Variants in CEP192 observed in about 807,000 individuals in gnomAD.
CEP192 encodes the protein centrosomal protein 192.
Under a neutral mutation model 271.8 loss-of-function variants are expected in CEP192, and 151 were observed. The ratio of observed to expected loss-of-function variants is 0.56; its 90% CI spans 0.49 to 0.64. The LOEUF (loss-of-function observed/expected upper bound fraction) is 0.64. Among genes scored for constraint, CEP192 ranks in the 30% least tolerant of loss-of-function variants. The pLI is 0.00. For synonymous variants in CEP192, 995 were observed against 1,076.5 expected, an observed-to-expected ratio of 0.92 and a Z score of 1.48; for missense variants, 2,910 against 3,020.5, an observed-to-expected ratio of 0.96 and a Z score of 0.86.
intron 21 of CEP192, among the ~76,000 whole-genome samples, chr18:13,066,363 C>T (rs954006856): frequency 3.9e-5 from 6 of 152,056 alleles, no homozygotes; most frequent in Non-Finnish European, 5.9e-5. Flanking sequence ...GTTTCTAGTT[C>T]TTGGGTTACT....
intron 20 of CEP192, chr18:13,058,773 TA>T: frequency 5.6e-6 from 2 of 357,002 alleles, no homozygotes; most frequent in Non-Finnish European, 1.1e-5. Flanking sequence ...TAGAGAGACT[TA>T]CAGGGCTGTG....
At chr18:13,041,158 A>G (rs953177318) in intron 14 of CEP192, among the ~76,000 whole-genome samples, 3 of 152,312 alleles carry the variant, frequency 2.0e-5, no homozygotes, top group Non-Finnish European at 2.9e-5. Context: ...GCCAAAATCT[A>G]CCTAAATTTG....
chr18:13,030,476 C>T lies in CEP192; in HGVS notation c.1402C>T (p.Pro468Ser), dbSNP rs2035555614. 6.2e-7 allele frequency: 1 copy of T among 1,602,464 alleles called. No individual in the cohort carries two copies. Among genetic ancestry groups the T allele is most frequent in the South Asian group, 1.1e-5 (1 of 90,020 alleles). Residue 468 changes from proline to serine, a missense_variant, in exon 11 of 45, where the codon CCA becomes TCA. By Grantham distance (74) the Pro-to-Ser change is moderately conservative. Coordinates refer to ENST00000506447, the MANE Select transcript of CEP192 (RefSeq NM_032142.4). Reference sequence around the variant, plus strand: ...ATTTTATTTTTTAGAAACAGATCTCCCACAGAGTGTGGTCTATCAAAATGA... The same window carrying T: ...ATTTTATTTTTTAGAAACAGATCTCTCACAGAGTGTGGTCTATCAAAATGA... ...IEKNKDKTDL[P>S]QSVVYQNEEG...
At position 13,042,257 on chromosome 18, in the gene CEP192, C is replaced by T; in HGVS notation, c.1990C>T (p.Gln664Ter). The T allele has an allele frequency of 1.2e-6, 2 of 1,613,142 alleles. No homozygotes were observed. Among genetic ancestry groups the T allele is most frequent in the Non-Finnish European group, 1.7e-6 (2 of 1,179,120 alleles). ...AQLSEGSITLQVEAVESTSQV... is the reference protein window; with the variant it reads ...AQLSEGSITL ...GCTAAGTGAAGGATCAATTACACTTCAGGTTGAAGCAGTAGAGAGTACTTC... is the reference window on the plus strand; with the variant it reads ...GCTAAGTGAAGGATCAATTACACTTTAGGTTGAAGCAGTAGAGAGTACTTC... Residue 664 changes from glutamine to a stop codon, truncating the protein, a stop_gained, in exon 15 of 45, where the codon CAG (glutamine) becomes TAG (stop). Transcript: ENST00000506447. LOFTEE classifies it high-confidence loss of function.
chr18:13,074,339 CTG>C (rs1174704340), intron 30 of CEP192, among the ~76,000 whole-genome samples: 2 of 152,152 alleles, frequency 1.3e-5, no homozygotes, highest in Non-Finnish European at 2.9e-5. Context: ...ATTTTAAAAA[CTG>C]GCGTCCTTCC....
At chr18:13,071,977 G>A (rs1409348162) in intron 28 of CEP192, among the ~76,000 whole-genome samples, 1 of 152,112 alleles carries the variant, frequency 6.6e-6, no homozygotes, top group African/African-American at 2.4e-5. Flanking sequence ...ATAAATACAT[G>A]AGAATGAAAA....
chr18:13,103,567 T>C lies in CEP192; in HGVS notation c.6930T>C (p.Ser2310=), dbSNP rs1381000249. 6.2e-7 allele frequency: 1 copy of C among 1,613,842 alleles called. No homozygotes were observed. The highest frequency in any genetic ancestry group is 1.7e-5 in the Admixed American group (1 of 60,030). Residue 2310 remains serine, a synonymous_variant, in exon 39 of 45, where the codon TCT becomes TCC. Coordinates refer to ENST00000506447, the MANE Select transcript of CEP192 (RefSeq NM_032142.4). ...GTTDVKWHLS[S]LAPPYVKGVD... ...CAGACGTGAAATGGCATCTGTCATC[T>C]TTAGCGCCACCTTATGTCAAGGTCA...
At chr18:13,093,034 C>T (rs1031111011) in intron 34 of CEP192, among the ~76,000 whole-genome samples, 2 of 152,120 alleles carry the variant, frequency 1.3e-5, no homozygotes, top group Non-Finnish European at 2.9e-5. Flanking sequence ...TGGTGGGCAC[C>T]TGTAGTCCCA....
chr18:13,076,893 C>T (rs1471377879), intron 30 of CEP192, among the ~76,000 whole-genome samples: 4 of 152,140 alleles, frequency 2.6e-5, no homozygotes, highest in African/African-American at 9.7e-5. Flanking sequence ...AAGCGATTCT[C>T]CTGCCTCAGC....
At position 13,124,659 on chromosome 18, in the gene CEP192, G is replaced by A; in HGVS notation, c.7503G>A (p.Val2501=). Residue 2501 remains valine, a synonymous_variant, in exon 45 of 45, where the codon GTG becomes GTA. Coordinates refer to ENST00000506447, the MANE Select transcript of CEP192 (RefSeq NM_032142.4). ...CCCAGCATTACATCAACATGCCCGT[G>A]CAGTTCAAACCGAAGTCCGCAGGCA... The part of the protein sequence containing the change: ...LRAQHYINMP[V]QFKPKSAGKF... 6.2e-7 allele frequency: 1 copy of A among 1,613,982 alleles called. No homozygotes were observed.
At chr18:13,038,121 G>A (rs550564712) in intron 12 of CEP192, among the ~76,000 whole-genome samples, 107 of 152,284 alleles carry the variant, frequency 7.0e-4, no homozygotes, top group Middle Eastern at 3.4e-3. Context: ...TTACAGGAAA[G>A]CGCTGTCATG....
chr18:13,089,326 T>A lies in CEP192; in HGVS notation c.5994-130T>A, dbSNP rs1598569254. 3 of 450,504 alleles carry A rather than the reference T, an allele frequency of 6.7e-6. No homozygotes were observed. The East Asian group carries it at 1.0e-4, about 15-fold the overall frequency. 27.9% of individuals were successfully genotyped at this position (450,504 alleles called of 1,614,324 possible). On this transcript the variant is annotated intron_variant, in intron 32 of 44. Coordinates refer to ENST00000506447, the MANE Select transcript of CEP192 (RefSeq NM_032142.4). ...GAACTTCCAAAACAGGTTTTTCTTT[T>A]AGGTGTAAGGTCTGTGTACTAATAT...
At chr18:13,122,809 A>G (rs1053443382) in intron 44 of CEP192, among the ~76,000 whole-genome samples, 2 of 146,914 alleles carry the variant, frequency 1.4e-5, no homozygotes, top group African/African-American at 5.1e-5. Context: ...CTGGGTTCAG[A>G]GGACTTTCCT....
chr18:12,991,670 C>G (rs112425525), intron 1 of CEP192, among the ~76,000 whole-genome samples: 1 of 152,282 alleles, frequency 6.6e-6, no homozygotes, highest in Non-Finnish European at 1.5e-5. Context: ...AATTGCACGC[C>G]TCTGTGTCAT....
intron 9 of CEP192, among the ~76,000 whole-genome samples, chr18:13,028,542 G>T (rs1438369389): frequency 6.6e-6 from 1 of 151,908 alleles, no homozygotes; most frequent in Non-Finnish European, 1.5e-5. Context: ...TTTTTGAGAC[G>T]AAGTCTCACT....
chr18:13,009,409 C>T (rs8098299), intron 4 of CEP192, among the ~76,000 whole-genome samples: 19,428 of 152,104 alleles, frequency 0.13, 1,835 homozygotes, highest in African/African-American at 0.26. Context: ...ATATTCTTAT[C>T]GAGAGTCAAT....
rs57663388 is a variant in CEP192 at position 13,082,432 on chromosome 18, C to CTT, written c.5617-4561_5617-4560dup. Reference sequence around the variant, plus strand: ...TCAGAGACTAGGATTGCAACCCCTGCTTTTTTTTTTTTTTTTTTTTTTTTT... The same window carrying CTT: ...TCAGAGACTAGGATTGCAACCCCTGCTTTTTTTTTTTTTTTTTTTTTTTTTTT... On this transcript the variant is annotated intron_variant, in intron 30 of 44. Transcript: ENST00000506447. 4.6e-3 allele frequency among the ~76,000 whole-genome samples: 229 copies of CTT among 49,928 alleles called. 13 individuals are homozygous for CTT. Among genetic ancestry groups the CTT allele is most frequent in the African/African-American group, 0.018 (190 of 10,304 alleles). 32.8% of individuals were successfully genotyped at this position (49,928 alleles called of 152,430 possible). A position where few individuals can be genotyped will look rare whatever the true frequency, so the allele number is the denominator to read the frequency against.
chr18:12,997,096 A>G (rs557892684), intron 1 of CEP192, among the ~76,000 whole-genome samples: 2 of 152,238 alleles, frequency 1.3e-5, no homozygotes, highest in South Asian at 4.2e-4. Context: ...AGACTCGATC[A>G]TGTTATGGAA....
intron 3 of CEP192, among the ~76,000 whole-genome samples, chr18:13,003,406 G>A (rs543915224): frequency 7.0e-6 from 1 of 143,256 alleles, no homozygotes; most frequent in Non-Finnish European, 1.5e-5. Context: ...CCGAGATCAC[G>A]CCACTGCACT....
Sources: gnomAD v4.1 joint callset for allele counts (sites outside exome capture counted in the v4.1 genomes callset) on GRCh38, gnomAD v4.1.1 for gene constraint, MANE v1.5 for transcripts, NCBI Gene and HGNC (gene_info 2026-07-23, HGNC 2026-07-21) for gene names.